Variants in TBC1D5 observed in about 807,000 individuals in gnomAD.
TBC1D5 encodes the protein TBC1 domain family member 5.
Under a neutral mutation model 100.3 loss-of-function variants are expected in TBC1D5, and 75 were observed. That is an observed-to-expected ratio of 0.75 (90% CI 0.62 to 0.91). The LOEUF is 0.91. Among genes scored for constraint, TBC1D5 ranks in the 40% least tolerant of loss-of-function variants. The pLI, the probability that TBC1D5 is intolerant of heterozygous loss-of-function variation, is 0.00. For synonymous variants in TBC1D5, 323 were observed against 325.6 expected (o/e 0.99, Z 0.09); for missense variants, 910 against 942.4 (o/e 0.97, Z 0.45).
At chr3:17,687,265 TG>T (rs1446646833) in intron 1 of TBC1D5, among the ~76,000 whole-genome samples, 1 of 152,130 alleles carries the variant, frequency 6.6e-6, no homozygotes, top group Non-Finnish European at 1.5e-5. Flanking sequence ...TATATCAAAA[TG>T]TTTTCAACAA....
At chr3:17,221,985 T>G (rs926814182) in intron 17 of TBC1D5, among the ~76,000 whole-genome samples, 1 of 152,190 alleles carries the variant, frequency 6.6e-6, no homozygotes, top group Non-Finnish European at 1.5e-5. Context: ...ATAATTCTTA[T>G]TTTGAATGTG....
chr3:17,208,790 T>C (rs1052145123), intron 18 of TBC1D5, among the ~76,000 whole-genome samples: 8 of 152,196 alleles, frequency 5.3e-5, no homozygotes, highest in Non-Finnish European at 4.4e-5. Context: ...TATGATAGAA[T>C]GCAAATGAAA....
chr3:17,185,152 A>T, exon 19 of TBC1D5: 13 of 1,613,770 alleles, frequency 8.1e-6, no homozygotes, highest in Non-Finnish European at 1.1e-5. Flanking sequence ...TGCACATGGC[A>T]TCCAGGTCAT....
chr3:17,455,272 ATATG>A, intron 3 of TBC1D5, among the ~76,000 whole-genome samples: 1 of 144,818 alleles, frequency 6.9e-6, no homozygotes, highest in African/African-American at 2.6e-5. Flanking sequence ...ATATATACAT[ATATG>A]TGTGTATATA....
intron 2 of TBC1D5, among the ~76,000 whole-genome samples, chr3:17,597,560 A>G (rs1328891618): frequency 6.6e-6 from 1 of 152,230 alleles, no homozygotes; most frequent in African/African-American, 2.4e-5. Context: ...CACTCTGTTC[A>G]TGAAATTTCT....
chr3:17,490,684 T>TG (rs2095629296), intron 3 of TBC1D5, among the ~76,000 whole-genome samples: 1 of 152,192 alleles, frequency 6.6e-6, no homozygotes, highest in East Asian at 1.9e-4. Context: ...TATCTGGTTT[T>TG]GTACCAGTAC....
intron 14 of TBC1D5, among the ~76,000 whole-genome samples, chr3:17,295,918 C>A (rs283906): frequency 0.42 from 64,210 of 151,916 alleles, 14,290 homozygotes; most frequent in Middle Eastern, 0.5. Context: ...TCTATTATAG[C>A]TGAGATAGTG....
rs112428490 is a variant in TBC1D5, at chr3:17,354,358, T to C, written c.995+17717A>G. Among the ~76,000 whole-genome samples the C allele has an allele frequency of 1.7e-3, 262 of 152,280 alleles. 1 individual carries two copies. Among genetic ancestry groups the C allele is most frequent in the Non-Finnish European group, 3.1e-3 (209 of 67,992 alleles). ...TTTATCACTTTTGTCTTATCATTAA[T>C]CCCTTTCCTCTTCTCATCTAGGTAT... is the stretch of plus-strand genomic sequence containing the variant. On this transcript the variant is annotated intron_variant, in intron 13 of 21. Coordinates refer to ENST00000253692, the Ensembl canonical transcript of TBC1D5.
At chr3:17,158,688 T>C (rs1164250577) in exon 22 of TBC1D5, 1 of 152,186 alleles carries the variant, frequency 6.6e-6, no homozygotes, top group Admixed American at 6.5e-5. Flanking sequence ...GAGTTTTCAG[T>C]GACTATTAAA....
chr3:17,691,837 AAAAG>A (rs1449172239), intron 1 of TBC1D5, among the ~76,000 whole-genome samples: 604 of 151,968 alleles, frequency 4.0e-3, no homozygotes, highest in African/African-American at 0.014. Flanking sequence ...AAAAAAAAAA[AAAAG>A]AAAGAAAAAA....
chr3:17,262,226 C>A (rs2149488685), intron 15 of TBC1D5, among the ~76,000 whole-genome samples: 1 of 152,178 alleles, frequency 6.6e-6, no homozygotes, highest in Middle Eastern at 3.4e-3. Flanking sequence ...CTCATTGACC[C>A]CAGGCTACAA....
At chr3:17,358,655 T>C (rs1240804395) in intron 13 of TBC1D5, among the ~76,000 whole-genome samples, 1 of 152,248 alleles carries the variant, frequency 6.6e-6, no homozygotes, top group East Asian at 1.9e-4. Context: ...TTGTTTCTGA[T>C]GCCTCTTAGA....
intron 8 of TBC1D5, among the ~76,000 whole-genome samples, chr3:17,401,185 T>C (rs1300342275): frequency 6.6e-6 from 1 of 151,716 alleles, no homozygotes; most frequent in Non-Finnish European, 1.5e-5. Context: ...AATCAACTAG[T>C]AGAGATACAT....
chr3:17,295,701 A>G (rs2082179914), intron 14 of TBC1D5, among the ~76,000 whole-genome samples: 1 of 152,230 alleles, frequency 6.6e-6, no homozygotes. Flanking sequence ...TCATATTGAG[A>G]TATACTTTCT....
chr3:17,677,898 A>T (rs2068859403), intron 1 of TBC1D5, among the ~76,000 whole-genome samples: 1 of 152,142 alleles, frequency 6.6e-6, no homozygotes, highest in African/African-American at 2.4e-5. Flanking sequence ...TCACAAGGTC[A>T]AAAAAACCAA....
chr3:17,489,167 C>T (rs1011683747), intron 3 of TBC1D5, among the ~76,000 whole-genome samples: 8 of 151,708 alleles, frequency 5.3e-5, no homozygotes, highest in African/African-American at 1.9e-4. Flanking sequence ...AAGGGTCAAA[C>T]AAGAATGTTT....
At chr3:17,158,385 A>T (rs996087199) in exon 22 of TBC1D5, 1 of 152,238 alleles carries the variant, frequency 6.6e-6, no homozygotes, top group Non-Finnish European at 1.5e-5. Flanking sequence ...ACAATTAAAC[A>T]TAAGTATCTG....
intron 1 of TBC1D5, among the ~76,000 whole-genome samples, chr3:17,683,735 C>T (rs970641660): frequency 1.3e-5 from 2 of 152,154 alleles, no homozygotes; most frequent in Non-Finnish European, 2.9e-5. Context: ...AGCTACTTAA[C>T]ATCTCTAAGT....
At chr3:17,424,884 A>G (rs775124637) in intron 4 of TBC1D5, among the ~76,000 whole-genome samples, 7 of 152,184 alleles carry the variant, frequency 4.6e-5, no homozygotes, top group Non-Finnish European at 8.8e-5. Flanking sequence ...TCCAGCCATC[A>G]TCTCTGAATT....
Sources: allele counts gnomAD v4.1 joint callset (sites outside exome capture counted in the v4.1 genomes callset), GRCh38; gene constraint gnomAD v4.1.1; transcripts MANE v1.5; gene names NCBI Gene and HGNC (gene_info 2026-07-23, HGNC 2026-07-21).